Variants in BACH1 observed in about 807,000 individuals in gnomAD.
BACH1 encodes the protein BTB domain and CNC homolog 1.
In BACH1, 35 loss-of-function variants were observed where a neutral mutation model predicts 52.9. The ratio of observed to expected loss-of-function variants is 0.66; its 90% confidence interval spans 0.51 to 0.88. BACH1 has a LOEUF of 0.88. BACH1 is among the 40% of genes least tolerant of loss of function. The pLI is 0.00. For synonymous variants in BACH1, 321 were observed against 319.6 expected (o/e 1.00, Z -0.05); for missense variants, 808 against 872.6 (o/e 0.93, Z 0.93).
intron 1 of BACH1, among the ~76,000 whole-genome samples, chr21:29,320,830 T>C (rs2123434280): frequency 6.6e-6 from 1 of 152,334 alleles, no homozygotes; most frequent in South Asian, 2.1e-4. Flanking sequence ...CCTTCCTTCT[T>C]ACCTCTCTGG....
At chr21:29,360,845 CA>C (rs561114811) in intron 2 of BACH1, among the ~76,000 whole-genome samples, 5,687 of 83,698 alleles carry the variant, frequency 0.068, 286 homozygotes, top group African/African-American at 0.18. Flanking sequence ...GACCCTGTCT[CA>C]AAAAAAAAAA....
chr21:29,316,433 A>G (rs971585701), intron 1 of BACH1, among the ~76,000 whole-genome samples: 4 of 152,228 alleles, frequency 2.6e-5, no homozygotes, highest in African/African-American at 9.6e-5. Flanking sequence ...TTTATTTTGA[A>G]TGATAACAAT....
At chr21:29,325,404 T>G (rs1029352784) in intron 2 of BACH1, among the ~76,000 whole-genome samples, 1 of 152,200 alleles carries the variant, frequency 6.6e-6, no homozygotes, top group African/African-American at 2.4e-5. Context: ...AAGTTTCTAC[T>G]TAAAAGTTTT....
At chr21:29,318,722 C>T (rs990069869) in intron 1 of BACH1, among the ~76,000 whole-genome samples, 1 of 152,146 alleles carries the variant, frequency 6.6e-6, no homozygotes, top group African/African-American at 2.4e-5. Flanking sequence ...ACTAGCAGCT[C>T]TAGGGTGAAG....
At chr21:29,315,372 T>C (rs2088773983) in intron 1 of BACH1, among the ~76,000 whole-genome samples, 2 of 152,176 alleles carry the variant, frequency 1.3e-5, no homozygotes, top group African/African-American at 2.4e-5. Flanking sequence ...GGAATTTCCC[T>C]GTCTTCTGAG....
At chr21:29,338,797 TC>T (rs978890565) in intron 4 of BACH1, among the ~76,000 whole-genome samples, 1 of 152,232 alleles carries the variant, frequency 6.6e-6, no homozygotes, top group Admixed American at 6.5e-5. Context: ...CATAGCTACT[TC>T]CTATAGGTAA....
chr21:29,351,720 T>C (rs2089203450), intron 2 of BACH1: 2 of 534,668 alleles, frequency 3.7e-6, no homozygotes, highest in African/African-American at 3.9e-5. Context: ...CTGTTTCAGC[T>C]AAACAGTAAC....
chr21:29,301,995 A>G (rs2088608999), intron 1 of BACH1, among the ~76,000 whole-genome samples: 1 of 152,218 alleles, frequency 6.6e-6, no homozygotes, highest in Non-Finnish European at 1.5e-5. Context: ...GGTGATGCTC[A>G]GAATAACAGT....
intron 1 of BACH1, among the ~76,000 whole-genome samples, chr21:29,306,789 T>A (rs1474395451): frequency 6.6e-6 from 1 of 152,216 alleles, no homozygotes; most frequent in African/African-American, 2.4e-5. Flanking sequence ...TTTTTCCTCT[T>A]ATATGCCATT....
intron 4 of BACH1, among the ~76,000 whole-genome samples, chr21:29,331,852 A>AT (rs1214592349): frequency 1.3e-5 from 2 of 152,084 alleles, no homozygotes; most frequent in Non-Finnish European, 2.9e-5. Context: ...AATACTATGT[A>AT]TTTTTTATTA....
In BACH1 at chr21:29,343,021, T is replaced by C; in HGVS notation, c.*188T>C. 1.8e-6 allele frequency: 1 copy of C among 564,346 alleles called. No individual in the cohort carries two copies. Among genetic ancestry groups the C allele is most frequent in the East Asian group, 3.1e-5 (1 of 32,188 alleles). 35.0% of individuals were successfully genotyped at this position (564,346 alleles called of 1,614,324 possible). ...TCTACAAGAGACAAAGAAATGATTTTGCCTCCTGGATATCAGAAAAATCCA... is the reference window on the plus strand; with the variant it reads ...TCTACAAGAGACAAAGAAATGATTTCGCCTCCTGGATATCAGAAAAATCCA... On this transcript the variant is annotated 3_prime_UTR_variant, in exon 5 of 5. Transcript: ENST00000286800.
intron 2 of BACH1, among the ~76,000 whole-genome samples, chr21:29,356,100 G>A (rs2089232995): frequency 6.6e-6 from 1 of 152,208 alleles, no homozygotes; most frequent in South Asian, 2.1e-4. Context: ...TGTGGTAGTA[G>A]GATAATGAAG....
At chr21:29,354,426 A>G (rs1239426100) in intron 2 of BACH1, among the ~76,000 whole-genome samples, 1 of 152,160 alleles carries the variant, frequency 6.6e-6, no homozygotes, top group African/African-American at 2.4e-5. Flanking sequence ...GAGTGGGAAG[A>G]GTGGAATGGG....
chr21:29,351,896 T>G (rs1160747189), intron 2 of BACH1: 2 of 383,956 alleles, frequency 5.2e-6, no homozygotes, highest in Non-Finnish European at 1.0e-5. Flanking sequence ...GCTGCCAGCA[T>G]ACTTAAAATA....
chr21:29,348,937 A>C (rs1340068859), downstream of BACH1, among the ~76,000 whole-genome samples: 1 of 152,038 alleles, frequency 6.6e-6, no homozygotes, highest in African/African-American at 2.4e-5. Context: ...TACTAAAAAT[A>C]CAAAAAATTA....
At chr21:29,311,728 T>C (rs2088725978) in intron 1 of BACH1, among the ~76,000 whole-genome samples, 1 of 152,188 alleles carries the variant, frequency 6.6e-6, no homozygotes, top group Non-Finnish European at 1.5e-5. Flanking sequence ...TTTTTTTCTA[T>C]TTCTTTTTCT....
In BACH1 at chr21:29,326,788, T is replaced by G; in HGVS notation, c.964T>G (p.Ser322Ala). ...NSSIDPHGLY[S>A]LSLLHTYDQY... ...TTCCATAGACCCTCATGGACTTTATTCTTTGTCTCTTTTACACACATATGA... is the reference window on the plus strand; with the variant it reads ...TTCCATAGACCCTCATGGACTTTATGCTTTGTCTCTTTTACACACATATGA... Residue 322 changes from serine (S) to alanine (A), a missense_variant, in exon 3 of 5, where the codon TCT (serine) becomes GCT (alanine). Transcript: ENST00000286800. 6.2e-7 allele frequency: 1 copy of G among 1,614,092 alleles called. No individual in the cohort carries two copies. The highest frequency in any genetic ancestry group is 8.5e-7 in the Non-Finnish European group (1 of 1,180,032).
At chr21:29,346,949 G>A (rs1417747117), downstream of BACH1, among the ~76,000 whole-genome samples, 1 of 152,178 alleles carries the variant, frequency 6.6e-6, no homozygotes, top group Non-Finnish European at 1.5e-5. Context: ...GTGAGAGGGA[G>A]AAGGAGGAAG....
At chr21:29,315,579 C>CA (rs2088776667) in intron 1 of BACH1, among the ~76,000 whole-genome samples, 2 of 152,192 alleles carry the variant, frequency 1.3e-5, no homozygotes, top group African/African-American at 4.8e-5. Context: ...GGCACTTGCC[C>CA]ATATGCACCG....
Sources: allele counts gnomAD v4.1 joint callset (sites outside exome capture counted in the v4.1 genomes callset), GRCh38; gene constraint gnomAD v4.1.1; transcripts MANE v1.5; gene names NCBI Gene and HGNC (gene_info 2026-07-23, HGNC 2026-07-21).